Variants in CYP7B1 observed in about 807,000 individuals in gnomAD.
CYP7B1 encodes the protein cytochrome P450 family 7 subfamily B member 1.
In CYP7B1, 29 loss-of-function variants were observed where a neutral mutation model predicts 42.7. The observed-to-expected ratio is 0.68, with a 90% confidence interval of 0.51 to 0.93. The LOEUF is 0.93. Ranked by LOEUF, CYP7B1 falls within the 40% of genes least tolerant of loss-of-function variation. CYP7B1 has a pLI of 0.00. For missense variants in CYP7B1, 655 were observed against 600.5 expected (o/e 1.09, Z -0.95); for synonymous variants, 235 against 218.2 (o/e 1.08, Z -0.68).
intron 1 of CYP7B1, among the ~76,000 whole-genome samples, chr8:64,777,676 A>C (rs1184254167): frequency 3.3e-5 from 5 of 152,066 alleles, no homozygotes; most frequent in Admixed American, 3.3e-4. Flanking sequence ...CCCATGGAAT[A>C]AGTTAGAAAA....
At chr8:64,737,062 T>A (rs910722673) in intron 1 of CYP7B1, among the ~76,000 whole-genome samples, 1 of 152,212 alleles carries the variant, frequency 6.6e-6, no homozygotes, top group African/African-American at 2.4e-5. Flanking sequence ...AGTGATTATA[T>A]AGTGAATGAA....
In CYP7B1 at chr8:64,720,468, A is replaced by AT. The variant is rs539507088; in HGVS notation, c.122+77997dup. On this transcript the variant is annotated intron_variant, in intron 1 of 5. Transcript: ENST00000310193. ...GCAAATAATAATACTCTGAGCTTTA[A>AT]TTTTATATGAATGACCATTAAGTGA... 2.0e-5 allele frequency among the ~76,000 whole-genome samples: 3 copies of AT among 152,286 alleles called. No homozygotes were observed. The South Asian group carries it at 6.2e-4, about 32-fold the overall frequency.
At chr8:64,603,000 A>T (rs2129629903) in intron 5 of CYP7B1, among the ~76,000 whole-genome samples, 1 of 152,330 alleles carries the variant, frequency 6.6e-6, no homozygotes, top group South Asian at 2.1e-4. Flanking sequence ...CAATGGCGTG[A>T]CAATAAATTA....
At chr8:64,737,270 A>C (rs1807503902) in intron 1 of CYP7B1, among the ~76,000 whole-genome samples, 1 of 152,196 alleles carries the variant, frequency 6.6e-6, no homozygotes, top group Non-Finnish European at 1.5e-5. Context: ...GCCTGGCTCC[A>C]TTTAAAGATT....
At chr8:64,790,713 T>C (rs531670025) in intron 1 of CYP7B1, among the ~76,000 whole-genome samples, 137 of 152,326 alleles carry the variant, frequency 9.0e-4, no homozygotes, top group African/African-American at 3.3e-3. Context: ...ATCTGATTAG[T>C]AGAAATAAAA....
At chr8:64,758,441 A>C (rs1300826234) in intron 1 of CYP7B1, among the ~76,000 whole-genome samples, 1 of 152,192 alleles carries the variant, frequency 6.6e-6, no homozygotes, top group African/African-American at 2.4e-5. Flanking sequence ...TAGCTTTGAA[A>C]CATCTCTCCT....
intron 1 of CYP7B1, among the ~76,000 whole-genome samples, chr8:64,633,267 G>T (rs149461156): frequency 6.6e-6 from 1 of 152,116 alleles, no homozygotes; most frequent in African/African-American, 2.4e-5. Context: ...TACACAGCAG[G>T]ATTAGTTTTT....
intron 2 of CYP7B1, among the ~76,000 whole-genome samples, chr8:64,620,490 G>A (rs752933713): frequency 4.1e-4 from 62 of 152,178 alleles, no homozygotes; most frequent in Admixed American, 1.2e-3. Flanking sequence ...TATTTTCTGC[G>A]ACAGGTCAAG....
intron 1 of CYP7B1, among the ~76,000 whole-genome samples, chr8:64,660,874 G>A (rs1806189734): frequency 6.6e-6 from 1 of 152,146 alleles, no homozygotes; most frequent in African/African-American, 2.4e-5. Context: ...GTGGGTAATT[G>A]CACTTTAGTG....
chr8:64,706,022 A>T (rs1010779931), intron 1 of CYP7B1, among the ~76,000 whole-genome samples: 1 of 151,620 alleles, frequency 6.6e-6, no homozygotes, highest in Non-Finnish European at 1.5e-5. Flanking sequence ...CTGAGCCTTA[A>T]TTTTTTTTTA....
chr8:64,721,369 T>A (rs73689576), intron 1 of CYP7B1, among the ~76,000 whole-genome samples: 14,342 of 152,082 alleles, frequency 0.094, 1,136 homozygotes, highest in African/African-American at 0.2. Flanking sequence ...CCCACTAATT[T>A]AAAAAAATCA....
At position 64,746,908 on chromosome 8, in the gene CYP7B1, A is replaced by G. The variant is rs201038177; in HGVS notation, c.122+51558T>C. ...CAATCTGCATTTATAAATCCATAAA[A>G]TTGTATATACCCTCACTTTATAGAA... On this transcript the variant is annotated intron_variant, in intron 1 of 5. Coordinates refer to ENST00000310193, the MANE Select transcript of CYP7B1 (RefSeq NM_004820.5). Among the ~76,000 whole-genome samples, 44 of 152,052 alleles carry G rather than the reference A, an allele frequency of 2.9e-4. 1 individual carries two copies. In the East Asian group the frequency reaches 7.9e-3, roughly 27 times the overall value.
intron 1 of CYP7B1, among the ~76,000 whole-genome samples, chr8:64,771,384 C>T (rs1003448767): frequency 6.6e-6 from 1 of 152,054 alleles, no homozygotes; most frequent in East Asian, 1.9e-4. Flanking sequence ...AATGTACATG[C>T]TTTAATAATA....
At chr8:64,781,116 T>G (rs1804414957) in intron 1 of CYP7B1, among the ~76,000 whole-genome samples, 1 of 152,136 alleles carries the variant, frequency 6.6e-6, no homozygotes. Flanking sequence ...CCAAAAATTC[T>G]CAAATGATGA....
intron 5 of CYP7B1, among the ~76,000 whole-genome samples, chr8:64,599,525 GTTGC>G (rs1196989922): frequency 1.3e-5 from 2 of 152,140 alleles, no homozygotes; most frequent in Non-Finnish European, 2.9e-5. Flanking sequence ...TAATAAGCAT[GTTGC>G]TTCACAATTA....
At chr8:64,634,883 C>A (rs1805748021) in intron 1 of CYP7B1, among the ~76,000 whole-genome samples, 1 of 152,122 alleles carries the variant, frequency 6.6e-6, no homozygotes, top group Admixed American at 6.5e-5. Flanking sequence ...CCTAAGGATA[C>A]CCCATTACTT....
intron 1 of CYP7B1, among the ~76,000 whole-genome samples, chr8:64,673,264 C>G (rs1010845944): frequency 6.6e-6 from 1 of 152,152 alleles, no homozygotes; most frequent in Non-Finnish European, 1.5e-5. Flanking sequence ...TAATCCTAAA[C>G]CTTGATCAAA....
intron 1 of CYP7B1, among the ~76,000 whole-genome samples, chr8:64,761,765 C>T (rs1282845359): frequency 1.3e-5 from 2 of 152,138 alleles, no homozygotes; most frequent in African/African-American, 4.8e-5. Context: ...AGGAGTTGGT[C>T]TATTTCTAGT....
chr8:64,629,490 T>A (rs187994292), intron 1 of CYP7B1, among the ~76,000 whole-genome samples: 3 of 152,320 alleles, frequency 2.0e-5, no homozygotes, highest in Admixed American at 6.5e-5. Flanking sequence ...TAGTTTTATT[T>A]TTTTATTTTC....
Sources: allele counts gnomAD v4.1 joint callset (sites outside exome capture counted in the v4.1 genomes callset), GRCh38; gene constraint gnomAD v4.1.1; transcripts MANE v1.5; gene names NCBI Gene and HGNC (gene_info 2026-07-23, HGNC 2026-07-21).